Variants in NOX4 observed in about 807,000 individuals in gnomAD.
NOX4 encodes NADPH oxidase 4.
Under a neutral mutation model 87.6 loss-of-function variants are expected in NOX4, and 69 were observed. The observed-to-expected ratio is 0.79, with a 90% CI of 0.65 to 0.96. The LOEUF is 0.96. Ranked by LOEUF, NOX4 falls within the 40% of genes least tolerant of loss-of-function variation. The pLI is 0.00. For synonymous variants in NOX4, 275 were observed against 238.2 expected (o/e 1.15, Z -1.42); for missense variants, 680 against 681.5 (o/e 1.00, Z 0.02).
chr11:89,438,246 T>A (rs1312293455), intron 6 of NOX4, among the ~76,000 whole-genome samples: 1 of 139,040 alleles, frequency 7.2e-6, no homozygotes. Flanking sequence ...AACATAGTAA[T>A]ATATTATTAT....
At chr11:89,401,374 T>C (rs1311017856) in intron 9 of NOX4, among the ~76,000 whole-genome samples, 2 of 152,064 alleles carry the variant, frequency 1.3e-5, no homozygotes, top group Non-Finnish European at 2.9e-5. Flanking sequence ...GTGAATATTA[T>C]GTGAAACTCA....
the NOX4 span, among the ~76,000 whole-genome samples, chr11:89,553,239 G>T: frequency 6.6e-6 from 1 of 152,124 alleles, no homozygotes; most frequent in African/African-American, 2.4e-5. Context: ...GGCAGGGTAG[G>T]GGTTGTCCTG....
intron 7 of NOX4, among the ~76,000 whole-genome samples, chr11:89,428,110 A>C (rs948590710): frequency 2.6e-5 from 4 of 152,148 alleles, no homozygotes; most frequent in African/African-American, 4.8e-5. Flanking sequence ...TTTCATATCC[A>C]ACCAAACTAA....
chr11:89,561,050 C>CATATATATATATATATATATATATAT, the NOX4 span, among the ~76,000 whole-genome samples: 4 of 28,570 alleles, frequency 1.4e-4, no homozygotes, highest in African/African-American at 4.4e-4. Context: ...ATATATCATA[C>CATATATATATATATATATATATATAT]ATATATATAT....
At chr11:89,358,634 A>C (rs1408612656) in intron 12 of NOX4, among the ~76,000 whole-genome samples, 1 of 151,620 alleles carries the variant, frequency 6.6e-6, no homozygotes, top group East Asian at 1.9e-4. Flanking sequence ...TAAATGGAAA[A>C]ATTATTTATA....
chr11:89,428,860 C>T (rs1045763327), intron 7 of NOX4, among the ~76,000 whole-genome samples: 8 of 152,100 alleles, frequency 5.3e-5, no homozygotes, highest in Admixed American at 1.3e-4. Context: ...CTGCACCAAG[C>T]GGACCTAATA....
intron 8 of NOX4, among the ~76,000 whole-genome samples, chr11:89,416,298 C>T (rs1468320256): frequency 9.2e-5 from 14 of 152,094 alleles, no homozygotes; most frequent in Non-Finnish European, 1.0e-4. Flanking sequence ...GTTTAAAATA[C>T]AACTTGTGGG....
At chr11:89,428,793 T>C (rs1417793880) in intron 7 of NOX4, among the ~76,000 whole-genome samples, 2 of 152,104 alleles carry the variant, frequency 1.3e-5, no homozygotes, top group Non-Finnish European at 2.9e-5. Context: ...ACTGTCAACA[T>C]TAGACAGATC....
chr11:89,406,425 C>T lies in NOX4; in HGVS notation c.630-3883G>A, dbSNP rs1003618606. On this transcript the variant is annotated intron_variant, in intron 8 of 17. Coordinates refer to ENST00000263317, the MANE Select transcript of NOX4 (RefSeq NM_016931.5). ...AAATCTTCTCAAATGTAACAGAACC[C>T]ACTTAAGATAACACAAAGCTCTGTG... Among the ~76,000 whole-genome samples, 8 of 152,070 alleles carry T rather than the reference C, an allele frequency of 5.3e-5. 1 individual carries two copies. The highest frequency in any genetic ancestry group is 1.4e-4 in the African/African-American group (6 of 41,446).
chr11:89,418,448 AT>A (rs1942909686), intron 8 of NOX4, among the ~76,000 whole-genome samples: 2 of 148,128 alleles, frequency 1.4e-5, no homozygotes, highest in South Asian at 4.2e-4. Flanking sequence ...AATAATAATA[AT>A]AATAATAATA....
intron 16 of NOX4, among the ~76,000 whole-genome samples, chr11:89,336,495 A>G (rs1945721108): frequency 6.6e-6 from 1 of 152,016 alleles, no homozygotes; most frequent in Non-Finnish European, 1.5e-5. Context: ...AGACAGCTCA[A>G]GACAGCAAAA....
chr11:89,398,076 T>C lies in NOX4; in HGVS notation c.1074+1941A>G, dbSNP rs555479567. Among the ~76,000 whole-genome samples, 4 of 151,966 alleles carry C rather than the reference T, an allele frequency of 2.6e-5. No homozygotes were observed. The East Asian group carries it at 7.8e-4, about 29-fold the overall frequency. On this transcript the variant is annotated intron_variant, in intron 11 of 17. Coordinates refer to ENST00000263317, the MANE Select transcript of NOX4 (RefSeq NM_016931.5). ...GATGCAAATATCCTCAATAAAATAC[T>C]GGCAAACCGAATCCAACAGCACATC...
intron 11 of NOX4, among the ~76,000 whole-genome samples, chr11:89,389,740 A>G (rs1469638701): frequency 2.6e-5 from 4 of 152,136 alleles, no homozygotes; most frequent in Non-Finnish European, 5.9e-5. Flanking sequence ...CTCAGCATGG[A>G]AGGATAGTGT....
At chr11:89,367,048 T>C (rs747546714) in intron 12 of NOX4, among the ~76,000 whole-genome samples, 8 of 152,262 alleles carry the variant, frequency 5.3e-5, no homozygotes, top group Non-Finnish European at 8.8e-5. Context: ...GTAGAATTTA[T>C]GCCCAGTTCA....
intron 2 of NOX4, among the ~76,000 whole-genome samples, chr11:89,475,881 T>C (rs1946144180): frequency 6.6e-6 from 1 of 152,136 alleles, no homozygotes; most frequent in African/African-American, 2.4e-5. Context: ...TCTGGTTCGC[T>C]GGTGATATCA....
intron 2 of NOX4, among the ~76,000 whole-genome samples, chr11:89,482,265 G>GA (rs893439723): frequency 1.3e-5 from 2 of 150,370 alleles, no homozygotes; most frequent in Admixed American, 6.6e-5. Context: ...CAATTAAGGA[G>GA]AAAAAAAAAT....
chr11:89,537,169 G>A, the NOX4 span, among the ~76,000 whole-genome samples: 1 of 152,104 alleles, frequency 6.6e-6, no homozygotes, highest in Non-Finnish European at 1.5e-5. Context: ...AAGACAGAAT[G>A]TAACATGTTG....
chr11:89,420,837 T>C (rs1943044644), intron 8 of NOX4, among the ~76,000 whole-genome samples: 1 of 152,170 alleles, frequency 6.6e-6, no homozygotes, highest in South Asian at 2.1e-4. Context: ...GAAATGCATC[T>C]GGACAGAAAG....
At chr11:89,431,480 T>C (rs1053769575) in intron 7 of NOX4, among the ~76,000 whole-genome samples, 2 of 151,912 alleles carry the variant, frequency 1.3e-5, no homozygotes, top group African/African-American at 2.4e-5. Context: ...ATATCCAGAA[T>C]CTACAAAAAA....
Sources: gnomAD v4.1 joint callset for allele counts (sites outside exome capture counted in the v4.1 genomes callset) on GRCh38, gnomAD v4.1.1 for gene constraint, MANE v1.5 for transcripts, NCBI Gene and HGNC (gene_info 2026-07-23, HGNC 2026-07-21) for gene names.